MARK4: variants seen among roughly 807,000 people sequenced by gnomAD.
The protein encoded by MARK4 is MAP/microtubule affinity-regulating kinase 4.
MARK4 carries 19 observed loss-of-function variants against 81.5 expected under a neutral mutation model. The ratio of observed to expected loss-of-function variants is 0.23; its 90% CI spans 0.16 to 0.34. The LOEUF (loss-of-function observed/expected upper bound fraction) is 0.34. MARK4 is among the 10% of genes least tolerant of loss of function. MARK4 has a pLI of 1.00. For synonymous variants in MARK4, 436 were observed against 439.0 expected, an observed-to-expected ratio of 0.99 and a Z score of 0.08; for missense variants, 772 against 1,058.8, an observed-to-expected ratio of 0.73 and a Z score of 3.76.
chr19:45,280,578 G>A lies in MARK4; in HGVS notation c.1120G>A (p.Gly374Ser), dbSNP rs1428874460. 1.2e-6 allele frequency: 2 copies of A among 1,613,680 alleles called. No individual in the cohort carries two copies. Among genetic ancestry groups the A allele is most frequent in the African/African-American group, 2.7e-5 (2 of 74,906 alleles). Reference protein sequence around the residue: ...YLLLGRKTEEGGDRGAPGLAL... With the variant: ...YLLLGRKTEESGDRGAPGLAL... ...CTCATCTGTCATCCTCTCGCAGGAG[G>A]GTGGGGACCGGGGCGCCCCAGGGCT... The change falls in exon 12 of 17, where the codon GGT (glycine) becomes AGT (serine). Residue 374 changes from glycine to serine, a missense_variant. Around this residue, in one of 3 missense-constraint regions of MARK4, gnomAD observed 548 missense variants for 624.3 expected, o/e 0.88. Coordinates refer to ENST00000262891, the MANE Select transcript of MARK4 (RefSeq NM_001199867.2).
intron 2 of MARK4, among the ~76,000 whole-genome samples, chr19:45,260,597 T>G (rs1970368425): frequency 6.6e-6 from 1 of 152,028 alleles, no homozygotes. Context: ...CCTGGAAGGC[T>G]GAGGCAGGAG....
intron 1 of MARK4, 61 bp downstream of exon 1, chr19:45,251,700 C>T: frequency 7.1e-7 from 1 of 1,412,212 alleles, no homozygotes; most frequent in Non-Finnish European, 9.5e-7. Flanking sequence ...ACCCTTCTCC[C>T]CGTTGTACCC....
intron 2 of MARK4, among the ~76,000 whole-genome samples, chr19:45,262,100 T>C (rs1415876028): frequency 6.6e-6 from 1 of 152,164 alleles, no homozygotes; most frequent in Non-Finnish European, 1.5e-5. Context: ...TACAATTTAC[T>C]AGCCATGTAA....
rs35070611 is a variant in MARK4 at position 45,280,588 on chromosome 19, G to A, written c.1130G>A (p.Arg377Gln). The A allele has an allele frequency of 1.3e-5, 21 of 1,613,770 alleles. No homozygotes were observed. The East Asian group carries it at 3.8e-4, about 29-fold the overall frequency. ...ATCCTCTCGCAGGAGGGTGGGGACC[G>A]GGGCGCCCCAGGGCTGGCCCTGGCA... ...LGRKTEEGGDRGAPGLALARV... is the reference protein window; with the variant it reads ...LGRKTEEGGDQGAPGLALARV... The change falls in exon 12 of 17, where the codon CGG becomes CAG. Residue 377 changes from arginine to glutamine, a missense_variant. This residue lies in a region of MARK4 where 548 missense variants were observed against 624.3 expected (regional missense o/e 0.88). Coordinates refer to ENST00000262891, the MANE Select transcript of MARK4 (RefSeq NM_001199867.2).
rs570097661 is a variant in MARK4 at position 45,290,087 on chromosome 19, A to G, written c.1494+2423A>G. On this transcript the variant is annotated intron_variant, in intron 13 of 16. Coordinates refer to ENST00000262891, the MANE Select transcript of MARK4 (RefSeq NM_001199867.2). ...TGCACTCCAGCCTGGGAGTCTCCAG[A>G]GGGAGACCTTGTCTCAAAGAAACAA... 9.2e-5 allele frequency among the ~76,000 whole-genome samples: 14 copies of G among 152,352 alleles called. No individual in the cohort carries two copies. The East Asian group carries it at 2.7e-3, about 29-fold the overall frequency.
intron 1 of MARK4, among the ~76,000 whole-genome samples, chr19:45,257,987 C>T (rs987357984): frequency 2.0e-4 from 28 of 138,036 alleles, no homozygotes; most frequent in African/African-American, 6.8e-4. Context: ...CCATGCCTGG[C>T]CTTTTTTTTT....
chr19:45,282,297 C>T (rs779152497), intron 12 of MARK4, among the ~76,000 whole-genome samples: 1 of 151,716 alleles, frequency 6.6e-6, no homozygotes, highest in African/African-American at 2.4e-5. Context: ...CTGAGAGGTC[C>T]CTTCACCCAC....
At chr19:45,265,015 T>G (rs985839246) in intron 6 of MARK4, 105 bp downstream of exon 6, 1 of 1,142,548 alleles carries the variant, frequency 8.8e-7, no homozygotes, top group Non-Finnish European at 1.3e-6. Context: ...GGGGCGGGGC[T>G]TAAGTCTGGG....
At chr19:45,273,485 C>G (rs897126201) in intron 8 of MARK4, among the ~76,000 whole-genome samples, 1 of 152,324 alleles carries the variant, frequency 6.6e-6, no homozygotes, top group Non-Finnish European at 1.5e-5. Flanking sequence ...TTTCATCCAT[C>G]ATCCCAGGAA....
chr19:45,259,978 T>C (rs1343061753), intron 2 of MARK4, among the ~76,000 whole-genome samples: 1 of 151,712 alleles, frequency 6.6e-6, no homozygotes, highest in Admixed American at 6.6e-5. Flanking sequence ...TCTCAGCTGC[T>C]CAGTAGGCTG....
At chr19:45,283,266 G>A (rs769061982) in intron 12 of MARK4, among the ~76,000 whole-genome samples, 2 of 151,586 alleles carry the variant, frequency 1.3e-5, no homozygotes, top group Admixed American at 6.6e-5. Flanking sequence ...AAAATTAGCC[G>A]GGCGTAGTGG....
chr19:45,277,826 TGTG>T lies in MARK4; in HGVS notation c.787-96_787-94del, dbSNP rs1970620055. 68 of 114,118 alleles carry T rather than the reference TGTG, an allele frequency of 6.0e-4. No individual in the cohort carries two copies. The East Asian group carries it at 0.024, about 40-fold the overall frequency. The allele number at this position is 114,118 out of a possible 1,614,324, so 7.1% of individuals were successfully genotyped here. On this transcript the variant is annotated intron_variant, in intron 8 of 16. Transcript: ENST00000262891. The stretch of plus-strand genomic sequence containing the variant: ...ATCAAAGGGGTTGGGACAAAGGTTG[TGTG>T]TGTGTGTGTGTGTGTGTGTGTGTGT...
At chr19:45,268,453 G>A (rs558411693) in intron 7 of MARK4, among the ~76,000 whole-genome samples, 50 of 152,022 alleles carry the variant, frequency 3.3e-4, no homozygotes, top group Non-Finnish European at 4.9e-4. Flanking sequence ...TCGTTGTGGC[G>A]CGTGCCTATA....
At chr19:45,295,540 C>T (rs920136681) in intron 14 of MARK4, among the ~76,000 whole-genome samples, 5 of 151,988 alleles carry the variant, frequency 3.3e-5, no homozygotes, top group African/African-American at 4.8e-5. Context: ...TTTGTGAGGC[C>T]GAGGTGGGCA....
chr19:45,251,632 C>CGGACACGGTGAGTG lies in MARK4; in HGVS notation c.47_51+9dup. 1 of 1,503,018 alleles carries CGGACACGGTGAGTG rather than the reference C, an allele frequency of 6.7e-7. No individual in the cohort carries two copies. The highest frequency in any genetic ancestry group is 2.9e-5 in the East Asian group (1 of 35,078). 93.1% of individuals were successfully genotyped at this position (1,503,018 alleles called of 1,614,324 possible). A position where few individuals can be genotyped will look rare whatever the true frequency, so the allele number is the denominator to read the frequency against. On this transcript the variant is annotated frameshift_variant, in exon 1 of 17. Transcript: ENST00000262891. LOFTEE classifies it high-confidence loss of function. ...CTGGCCCCGGGCAACGATCGGAACT[C>CGGACACGGTGAGTG]GGACACGGTGAGTGGGGCCCGGCCC...
At chr19:45,273,208 A>G (rs1000768318) in intron 8 of MARK4, among the ~76,000 whole-genome samples, 2 of 152,178 alleles carry the variant, frequency 1.3e-5, no homozygotes, top group Non-Finnish European at 2.9e-5. Context: ...CAGTAGAGCA[A>G]ATAACACATG....
intron 12 of MARK4, among the ~76,000 whole-genome samples, chr19:45,285,163 G>T (rs1349665741): frequency 6.6e-6 from 1 of 151,670 alleles, no homozygotes; most frequent in Non-Finnish European, 1.5e-5. Flanking sequence ...AGAGGCTGAG[G>T]TGGGAGGATG....
chr19:45,277,879 G>C, intron 8 of MARK4, 44 bp from the exon 9 acceptor site: 1 of 1,579,108 alleles, frequency 6.3e-7, no homozygotes, highest in East Asian at 2.2e-5. Flanking sequence ...GTAATAGGTG[G>C]GGGGCGGGGC....
rs765957662 is a variant in MARK4, at chr19:45,257,689, A to T, written c.52-1300A>T. On this transcript the variant is annotated intron_variant, in intron 1 of 16. Coordinates refer to ENST00000262891, the MANE Select transcript of MARK4 (RefSeq NM_001199867.2). ...TGAGCCACCTCGCCTGGCCCATAATATTTTTTTTTTTTTTTTTTGAGACAG... is the reference window on the plus strand; with the variant it reads ...TGAGCCACCTCGCCTGGCCCATAATTTTTTTTTTTTTTTTTTTTGAGACAG... Among the ~76,000 whole-genome samples the T allele has an allele frequency of 8.1e-3, 694 of 86,090 alleles. 14 individuals carry two copies. The highest frequency in any genetic ancestry group is 0.01 in the South Asian group (24 of 2,294). 56.5% of individuals were successfully genotyped at this position (86,090 alleles called of 152,430 possible).
Sources: gnomAD v4.1 joint callset for allele counts (sites outside exome capture counted in the v4.1 genomes callset) on GRCh38, gnomAD v4.1.1 for gene constraint, gnomAD v4.1.1 regional missense constraint, MANE v1.5 for transcripts, NCBI Gene and HGNC (gene_info 2026-07-23, HGNC 2026-07-21) for gene names.